SLC44A5: variants seen among roughly 807,000 people sequenced by gnomAD.
The protein encoded by SLC44A5 is solute carrier family 44 member 5.
A neutral mutation model predicts 101.8 loss-of-function variants in SLC44A5; 57 were observed. That is an observed-to-expected ratio of 0.56 (90% CI 0.45 to 0.70). The LOEUF (loss-of-function observed/expected upper bound fraction) is 0.70. Among genes scored for constraint, SLC44A5 ranks in the 30% least tolerant of loss-of-function variants. SLC44A5 has a pLI of 0.00. For synonymous variants in SLC44A5, 281 were observed against 290.9 expected, an observed-to-expected ratio of 0.97 and a Z score of 0.35; for missense variants, 737 against 853.1, an observed-to-expected ratio of 0.86 and a Z score of 1.70.
At chr1:75,243,950 C>G (rs1006459371) in intron 7 of SLC44A5, among the ~76,000 whole-genome samples, 3 of 151,974 alleles carry the variant, frequency 2.0e-5, no homozygotes, top group Admixed American at 6.6e-5. Context: ...TTAGAAAGAG[C>G]CTGGCACCTC....
At chr1:75,518,407 T>A (rs1669946780) in intron 2 of SLC44A5, among the ~76,000 whole-genome samples, 1 of 152,240 alleles carries the variant, frequency 6.6e-6, no homozygotes. Context: ...GAGCAGTCTG[T>A]ATTTATCATT....
chr1:75,209,530 C>T (rs1646813016), intron 23 of SLC44A5, among the ~76,000 whole-genome samples: 1 of 152,162 alleles, frequency 6.6e-6, no homozygotes, highest in Non-Finnish European at 1.5e-5. Flanking sequence ...TTTCCTTAGA[C>T]CACTGAAGCA....
chr1:75,261,243 T>G (rs1212945074), intron 6 of SLC44A5, among the ~76,000 whole-genome samples: 2 of 152,072 alleles, frequency 1.3e-5, no homozygotes, highest in African/African-American at 4.8e-5. Flanking sequence ...ATCTGGTTTT[T>G]TGAAATGATG....
chr1:75,462,075 G>A (rs908741186), intron 2 of SLC44A5, among the ~76,000 whole-genome samples: 2 of 152,214 alleles, frequency 1.3e-5, no homozygotes, highest in Non-Finnish European at 2.9e-5. Context: ...AGCAGGCCTT[G>A]GGCAAGACCC....
intron 2 of SLC44A5, among the ~76,000 whole-genome samples, chr1:75,399,595 A>T (rs1268487272): frequency 2.0e-5 from 3 of 152,298 alleles, no homozygotes; most frequent in East Asian, 1.9e-4. Flanking sequence ...GGCAATCTGA[A>T]TTAGAATGAA....
chr1:75,222,942 G>A (rs569317077), intron 13 of SLC44A5, among the ~76,000 whole-genome samples: 3 of 152,238 alleles, frequency 2.0e-5, no homozygotes, highest in African/African-American at 7.2e-5. Flanking sequence ...CGCACTATGG[G>A]CACCATTGAT....
At chr1:75,237,154 C>T (rs1388856332) in intron 10 of SLC44A5, 84 bp from the exon 11 acceptor site, 1 of 782,988 alleles carries the variant, frequency 1.3e-6, no homozygotes, top group Non-Finnish European at 2.1e-6. Context: ...AGGGATTCTG[C>T]AAGGTGCTGT....
At chr1:75,664,920 CAAAAAAAAGAAAAAAAA>C in the SLC44A5 span, among the ~76,000 whole-genome samples, 11 of 67,482 alleles carry the variant, frequency 1.6e-4, no homozygotes, top group Admixed American at 5.1e-4. Context: ...GATTCCGTCT[CAAAAAAAAGAAAAAAAA>C]AAAAAAAAGA....
At position 75,271,494 on chromosome 1, in the gene SLC44A5, G is replaced by GTTTT. The variant is rs1160786422; in HGVS notation, c.260+3460_260+3463dup. On this transcript the variant is annotated intron_variant, in intron 6 of 23. Transcript: ENST00000370859. ...CTAAGTCCATTATATCACTCTGCAT[G>GTTTT]TTTTGTGTGTGTGTGTGTGTGTGTG... 7.0e-5 allele frequency among the ~76,000 whole-genome samples: 3 copies of GTTTT among 42,604 alleles called. No homozygotes were observed. The Admixed American group carries it at 1.1e-3, about 15-fold the overall frequency. 27.9% of individuals were successfully genotyped at this position (42,604 alleles called of 152,430 possible).
At chr1:75,507,955 G>A (rs1403286925) in intron 2 of SLC44A5, among the ~76,000 whole-genome samples, 2 of 152,102 alleles carry the variant, frequency 1.3e-5, no homozygotes, top group African/African-American at 2.4e-5. Context: ...CACTGACAGT[G>A]TTAGATAGAC....
chr1:75,428,371 T>G (rs1365992947), intron 2 of SLC44A5, among the ~76,000 whole-genome samples: 1 of 152,240 alleles, frequency 6.6e-6, no homozygotes, highest in Admixed American at 6.5e-5. Context: ...TCCTGCTTAC[T>G]GCCTCTGTAT....
intron 3 of SLC44A5, among the ~76,000 whole-genome samples, chr1:75,375,933 A>G (rs1164880295): frequency 1.3e-5 from 2 of 152,216 alleles, no homozygotes; most frequent in Admixed American, 6.5e-5. Flanking sequence ...TACCGGGTTC[A>G]TCTCACTTGG....
intron 1 of SLC44A5, among the ~76,000 whole-genome samples, chr1:75,573,781 T>C (rs1003972479): frequency 6.6e-6 from 1 of 150,940 alleles, no homozygotes; most frequent in Non-Finnish European, 1.5e-5. Context: ...TAATATGGTA[T>C]ACAACTCAAA....
At chr1:75,218,067 G>A (rs1646999782) in intron 17 of SLC44A5, 107 bp from the exon 18 acceptor site, 1 of 743,350 alleles carries the variant, frequency 1.3e-6, no homozygotes, top group Admixed American at 2.7e-5. Context: ...AGGATTAACA[G>A]CAAAGAGACT....
Position 75,388,728 on chromosome 1 carries a change from G to A in SLC44A5, c.52+7855C>T, listed in dbSNP as rs569458094. Among the ~76,000 whole-genome samples the A allele has an allele frequency of 1.1e-3, 173 of 151,458 alleles. 1 individual carries two copies. Among genetic ancestry groups the A allele is most frequent in the African/African-American group, 3.9e-3 (162 of 41,266 alleles). ...CGGGAGGCAGAGCTTGCAGTGAGCC[G>A]AGATCGCTCCACTGCACTCCAGCCT... is the stretch of plus-strand genomic sequence containing the variant. On this transcript the variant is annotated intron_variant, in intron 3 of 23. Coordinates refer to ENST00000370859, the MANE Select transcript of SLC44A5 (RefSeq NM_001130058.2).
chr1:75,265,357 A>C (rs1366722182), intron 6 of SLC44A5, among the ~76,000 whole-genome samples: 1 of 152,210 alleles, frequency 6.6e-6, no homozygotes, highest in Non-Finnish European at 1.5e-5. Context: ...AGATGCAAAA[A>C]TTCTCAACAG....
At chr1:75,550,709 A>G (rs1448141587) in intron 1 of SLC44A5, among the ~76,000 whole-genome samples, 1 of 152,148 alleles carries the variant, frequency 6.6e-6, no homozygotes, top group Non-Finnish European at 1.5e-5. Flanking sequence ...TGTAAATTTC[A>G]CAGGATTTGA....
chr1:75,627,890 G>GC, the SLC44A5 span, among the ~76,000 whole-genome samples: 2 of 146,888 alleles, frequency 1.4e-5, no homozygotes, highest in African/African-American at 5.1e-5. Context: ...CTTTTCTTGA[G>GC]CATCTAGTAT....
chr1:75,400,428 G>C (rs1286869748), intron 2 of SLC44A5, among the ~76,000 whole-genome samples: 2 of 152,142 alleles, frequency 1.3e-5, no homozygotes, highest in African/African-American at 4.8e-5. Context: ...TTCTCACAGA[G>C]CCTATTTTTT....
Sources: gnomAD v4.1 joint callset for allele counts (sites outside exome capture counted in the v4.1 genomes callset) on GRCh38, gnomAD v4.1.1 for gene constraint, MANE v1.5 for transcripts, NCBI Gene and HGNC (gene_info 2026-07-23, HGNC 2026-07-21) for gene names.